Variants in KLF8 observed in about 807,000 individuals in gnomAD.
The protein encoded by KLF8 is KLF transcription factor 8, also known as Krueppel-like factor 8.
In KLF8, 10 loss-of-function variants were observed where a neutral mutation model predicts 18.2. That is an observed-to-expected ratio of 0.55 (90% CI 0.34 to 0.93). KLF8 has a LOEUF of 0.93. Ranked by LOEUF, KLF8 falls within the 40% of genes least tolerant of loss-of-function variation. The pLI is 0.02. For synonymous variants in KLF8, 109 were observed against 97.3 expected (o/e 1.12, Z -0.71); for missense variants, 264 against 277.9 (o/e 0.95, Z 0.36).
the KLF8 span, among the ~76,000 whole-genome samples, chrX:56,157,812 T>G: frequency 9.0e-6 from 1 of 111,518 alleles, no homozygotes; most frequent in Non-Finnish European, 1.9e-5. Flanking sequence ...ATGAGTAGAT[T>G]GCAAAAATTT....
chrX:56,140,632 C>T, the KLF8 span, among the ~76,000 whole-genome samples: 2 of 109,302 alleles, frequency 1.8e-5, no homozygotes, highest in East Asian at 2.9e-4. Flanking sequence ...GGGTGAAGAT[C>T]GAAAAACTGC....
At chrX:56,079,611 A>G in the KLF8 span, among the ~76,000 whole-genome samples, 1 of 111,504 alleles carries the variant, frequency 9.0e-6, no homozygotes, top group East Asian at 2.8e-4. Context: ...AAAAAAATGT[A>G]TATTCTGTTG....
chrX:56,187,808 T>G, the KLF8 span, among the ~76,000 whole-genome samples: 1 of 111,890 alleles, frequency 8.9e-6, no homozygotes, highest in South Asian at 3.7e-4. Flanking sequence ...AAATGGCCTT[T>G]GACAAAATTC....
At chrX:56,165,856 C>T in the KLF8 span, among the ~76,000 whole-genome samples, 7 of 100,334 alleles carry the variant, frequency 7.0e-5, no homozygotes, top group East Asian at 2.1e-3. Context: ...GAGACCCTGT[C>T]TCAAAAAAAA....
At chrX:56,169,783 G>A in the KLF8 span, among the ~76,000 whole-genome samples, 1 of 112,023 alleles carries the variant, frequency 8.9e-6, no homozygotes, top group Non-Finnish European at 1.9e-5. Flanking sequence ...TGAAAGGAAG[G>A]ACACAAGCAC....
At chrX:56,177,103 G>A in the KLF8 span, among the ~76,000 whole-genome samples, 11 of 111,477 alleles carry the variant, frequency 9.9e-5, no homozygotes, top group East Asian at 8.5e-4. Flanking sequence ...CTCTCAACTC[G>A]TCAAAATCAT....
chrX:56,003,807 C>T, the KLF8 span, among the ~76,000 whole-genome samples: 1 of 112,100 alleles, frequency 8.9e-6, no homozygotes, highest in African/African-American at 3.2e-5. Flanking sequence ...TTATCATGGG[C>T]TTCTACTTCT....
intron 2 of KLF8, among the ~76,000 whole-genome samples, chrX:56,256,538 T>C (rs1041461744): frequency 9.0e-6 from 1 of 111,703 alleles, no homozygotes; most frequent in African/African-American, 3.3e-5. Flanking sequence ...TCTTCTGATG[T>C]AGGCACTTAC....
chrX:56,024,456 C>T, the KLF8 span, among the ~76,000 whole-genome samples: 5 of 111,535 alleles, frequency 4.5e-5, no homozygotes, highest in Admixed American at 3.8e-4. Context: ...GATCTGCCCA[C>T]CTTTGCAGCA....
the KLF8 span, among the ~76,000 whole-genome samples, chrX:56,010,169 C>T: frequency 7.2e-5 from 8 of 111,048 alleles, no homozygotes; most frequent in Admixed American, 4.8e-4. Flanking sequence ...TCAGATTCTC[C>T]AAGGCTGAAA....
chrX:56,054,772 A>G, the KLF8 span, among the ~76,000 whole-genome samples: 9 of 111,910 alleles, frequency 8.0e-5, no homozygotes, highest in African/African-American at 2.3e-4. Flanking sequence ...GAGTACTCCT[A>G]TGCTCGGTGC....
chrX:55,999,885 T>C, the KLF8 span, among the ~76,000 whole-genome samples: 3 of 112,235 alleles, frequency 2.7e-5, no homozygotes, highest in Admixed American at 9.4e-5. Context: ...CTAAGTTGAA[T>C]AGAAATGTTC....
chrX:56,204,466 C>A, the KLF8 span, among the ~76,000 whole-genome samples: 1 of 111,531 alleles, frequency 9.0e-6, no homozygotes, highest in Non-Finnish European at 1.9e-5. Context: ...CGTATAAGAA[C>A]AGCATTGACA....
At chrX:56,257,091 G>A (rs1329370676) in intron 2 of KLF8, among the ~76,000 whole-genome samples, 2 of 111,564 alleles carry the variant, frequency 1.8e-5, no homozygotes, top group East Asian at 5.6e-4. Flanking sequence ...TACTACTGGT[G>A]TATGGTGTTT....
the KLF8 span, among the ~76,000 whole-genome samples, chrX:56,101,337 A>G: frequency 8.9e-6 from 1 of 111,874 alleles, no homozygotes; most frequent in East Asian, 2.8e-4. Flanking sequence ...TACACGGTCT[A>G]TATGTACCAT....
At chrX:56,029,866 G>C in the KLF8 span, among the ~76,000 whole-genome samples, 1 of 111,678 alleles carries the variant, frequency 9.0e-6, no homozygotes, top group Non-Finnish European at 1.9e-5. Context: ...CGTTCCACCT[G>C]GCCTGGCGTT....
chrX:55,928,264 A>G, the KLF8 span, among the ~76,000 whole-genome samples: 1,071 of 112,126 alleles, frequency 9.6e-3, 9 homozygotes, highest in African/African-American at 0.033. Flanking sequence ...ATTAGGGGGT[A>G]CATGATATTT....
At chrX:56,142,472 A>G in the KLF8 span, among the ~76,000 whole-genome samples, 3 of 110,938 alleles carry the variant, frequency 2.7e-5, no homozygotes, top group African/African-American at 9.9e-5. Context: ...CAATCTTCGG[A>G]GCTTGTTTCT....
intron 2 of KLF8, among the ~76,000 whole-genome samples, chrX:56,254,910 T>C (rs1304850342): frequency 9.0e-6 from 1 of 111,545 alleles, no homozygotes; most frequent in East Asian, 2.8e-4. Flanking sequence ...AACGGAAATA[T>C]AAGTTCTCAC....
Sources: allele counts gnomAD v4.1 joint callset (sites outside exome capture counted in the v4.1 genomes callset), GRCh38; gene constraint gnomAD v4.1.1; transcripts MANE v1.5; gene names NCBI Gene and HGNC (gene_info 2026-07-23, HGNC 2026-07-21).